ACO2: variants seen among roughly 807,000 people sequenced by gnomAD.
The protein encoded by ACO2 is aconitase 2, also known as aconitate hydratase, mitochondrial.
Under a neutral mutation model 84.5 loss-of-function variants are expected in ACO2, and 31 were observed. The observed-to-expected ratio is 0.37, with a 90% CI of 0.28 to 0.50. The LOEUF (loss-of-function observed/expected upper bound fraction) is 0.50. Among genes scored for constraint, ACO2 ranks in the 20% least tolerant of loss-of-function variants. The pLI, the probability that ACO2 is intolerant of heterozygous loss-of-function variation, is 0.97. For synonymous variants in ACO2, 414 were observed against 412.7 expected (o/e 1.00, Z -0.04); for missense variants, 685 against 1,029.3 (o/e 0.67, Z 4.58).
intron 1 of ACO2, among the ~76,000 whole-genome samples, chr22:41,498,991 G>A (rs1300637104): frequency 6.6e-6 from 1 of 151,966 alleles, no homozygotes; most frequent in East Asian, 1.9e-4. Context: ...CTACTGGGAA[G>A]CTGAGGCAGG....
intron 1 of ACO2, among the ~76,000 whole-genome samples, chr22:41,493,758 A>T (rs937299129): frequency 6.6e-6 from 1 of 152,102 alleles, no homozygotes; most frequent in African/African-American, 2.4e-5. Context: ...CCTGGGCAAC[A>T]TGTTGTAAAA....
At chr22:41,520,866 G>C (rs2066519511) in intron 9 of ACO2, among the ~76,000 whole-genome samples, 1 of 150,494 alleles carries the variant, frequency 6.6e-6, no homozygotes, top group South Asian at 2.1e-4. Flanking sequence ...AAATTGGCCA[G>C]GTGTGGAGGC....
chr22:41,492,390 A>G (rs1284642810), intron 1 of ACO2, among the ~76,000 whole-genome samples: 1 of 152,160 alleles, frequency 6.6e-6, no homozygotes, highest in East Asian at 1.9e-4. Flanking sequence ...TAATCCCTGC[A>G]CTTTGGGAGG....
Position 41,524,927 on chromosome 22 carries a change from T to C in ACO2, c.1564T>C (p.Phe522Leu). ...CCTGACGGGCACGGATGGCAAGAAG[T>C]TCAGGCTGGAGGCTCCGGATGCAGA... ...DYLTGTDGKK[F>L]RLEAPDADEL... The change falls in exon 13 of 18, where the codon TTC (phenylalanine) becomes CTC (leucine). Residue 522 changes from phenylalanine to leucine, a missense_variant. By Grantham distance (22) the Phe-to-Leu change is conservative. This residue lies in a region of ACO2 where 311 missense variants were observed against 441.6 expected (regional missense o/e 0.70). Coordinates refer to ENST00000216254, the MANE Select transcript of ACO2 (RefSeq NM_001098.3). The C allele has an allele frequency of 6.2e-7, 1 of 1,614,052 alleles. No homozygotes were observed. The highest frequency in any genetic ancestry group is 8.5e-7 in the Non-Finnish European group (1 of 1,179,996).
At chr22:41,476,177 G>A (rs1328895688) in intron 1 of ACO2, among the ~76,000 whole-genome samples, 2 of 152,128 alleles carry the variant, frequency 1.3e-5, no homozygotes, top group Non-Finnish European at 2.9e-5. Context: ...GGAGCCCAAG[G>A]CAGGTGGATC....
At position 41,527,909 on chromosome 22, in the gene ACO2, C is replaced by T; in HGVS notation, c.2095C>T (p.Leu699=). The T allele has an allele frequency of 2.5e-6, 4 of 1,614,214 alleles. No individual in the cohort carries two copies. The highest frequency in any genetic ancestry group is 2.7e-5 in the African/African-American group (2 of 75,048). The change falls in exon 17 of 18, where the codon CTG becomes TTG. Residue 699 remains leucine (L), a synonymous_variant. Coordinates refer to ENST00000216254, the MANE Select transcript of ACO2 (RefSeq NM_001098.3). ...KSFARIHETN[L]KKQGLLPLTF... is the part of the protein sequence containing the mutation. ...TGCCGCCTGCTTTCCAGAGACCAAC[C>T]TGAAGAAACAGGGCCTGCTGCCTCT...
At chr22:41,490,045 G>A (rs893076796) in intron 1 of ACO2, among the ~76,000 whole-genome samples, 4 of 152,048 alleles carry the variant, frequency 2.6e-5, no homozygotes, top group East Asian at 1.9e-4. Context: ...GTTACAGGCC[G>A]GGCACGGTGT....
At chr22:41,506,078 T>G (rs552522829) in intron 2 of ACO2, among the ~76,000 whole-genome samples, 15 of 146,136 alleles carry the variant, frequency 1.0e-4, no homozygotes, top group East Asian at 2.0e-4. Context: ...GGCTTTTTTG[T>G]TTTTTTTTTG....
chr22:41,502,427 T>C (rs1039265017), intron 2 of ACO2, among the ~76,000 whole-genome samples: 1 of 152,146 alleles, frequency 6.6e-6, no homozygotes, highest in Non-Finnish European at 1.5e-5. Context: ...GCAGGTCCCA[T>C]AGTGCAGTCA....
intron 14 of ACO2, chr22:41,525,987 C>T (rs999816016): frequency 3.2e-5 from 12 of 379,384 alleles, no homozygotes; most frequent in African/African-American, 1.4e-4. Context: ...GAAGGGTGAG[C>T]GAACATTGAC....
chr22:41,524,797 C>T, intron 12 of ACO2, 49 bp from the exon 13 acceptor site: 1 of 1,613,600 alleles, frequency 6.2e-7, no homozygotes, highest in Non-Finnish European at 8.5e-7. Context: ...GTGCAGGAGA[C>T]AGGAGTGGCA....
chr22:41,516,590 G>A (rs934309371), intron 6 of ACO2, among the ~76,000 whole-genome samples: 5 of 152,238 alleles, frequency 3.3e-5, no homozygotes, highest in East Asian at 1.9e-4. Context: ...CAGTCAGGAC[G>A]TTGGTAACAG....
At chr22:41,525,487 G>C (rs2066575068) in intron 14 of ACO2, 139 bp downstream of exon 14, 1 of 1,101,328 alleles carries the variant, frequency 9.1e-7, no homozygotes, top group South Asian at 1.5e-5. Context: ...TTTGGCTGCA[G>C]AGCAGAGAGG....
Position 41,500,061 on chromosome 22 carries a change from CTG to C in ACO2, c.173+203_173+204del, listed in dbSNP as rs1354156058. Among the ~76,000 whole-genome samples the C allele has an allele frequency of 4.6e-5, 7 of 152,162 alleles. No individual in the cohort carries two copies. In the East Asian group the frequency reaches 1.3e-3, roughly 29 times the overall value. On this transcript the variant is annotated intron_variant, in intron 2 of 17. Coordinates refer to ENST00000216254, the MANE Select transcript of ACO2 (RefSeq NM_001098.3). ...TCTGTCCTCTCTGCCAAGGGAGAAT[CTG>C]TGTTATCAAGAAGCCTCTAGATGTG...
At chr22:41,474,694 G>A (rs1390578945) in intron 1 of ACO2, among the ~76,000 whole-genome samples, 2 of 143,224 alleles carry the variant, frequency 1.4e-5, no homozygotes, top group African/African-American at 5.2e-5. Context: ...CGCCTCCCAG[G>A]TTCACGCCAT....
At chr22:41,507,729 G>C in intron 2 of ACO2, 62 bp from the exon 3 acceptor site, 1 of 1,563,800 alleles carries the variant, frequency 6.4e-7, no homozygotes, top group Admixed American at 1.7e-5. Flanking sequence ...GAGAGGGAGA[G>C]GCAGGGCGGG....
rs1205004571 is a variant in ACO2 at position 41,527,207 on chromosome 22, G to GT, written c.1954-80dup. ...CTCAGGATGCCCAGGCGCCAGGTGG[G>GT]TGAGGCCAGGCAGGTAGGGCCAGAC... is the stretch of plus-strand genomic sequence containing the variant. On this transcript the variant is annotated intron_variant, in intron 15 of 17. Coordinates refer to ENST00000216254, the MANE Select transcript of ACO2 (RefSeq NM_001098.3). 3.1e-6 allele frequency: 5 copies of GT among 1,602,252 alleles called. No homozygotes were observed. In the African/African-American group the frequency reaches 6.7e-5, roughly 21 times the overall value.
chr22:41,492,394 T>C (rs955225651), intron 1 of ACO2, among the ~76,000 whole-genome samples: 2 of 152,270 alleles, frequency 1.3e-5, no homozygotes, highest in Admixed American at 1.3e-4. Flanking sequence ...CCCTGCACTT[T>C]GGGAGGCCGA....
At chr22:41,469,327 C>T (rs1033379810) in intron 1 of ACO2, 145 bp downstream of exon 1, 2 of 986,020 alleles carry the variant, frequency 2.0e-6, no homozygotes, top group East Asian at 5.9e-5. Flanking sequence ...GGCACCCGTG[C>T]CCGCTTCTCT....
Sources: gnomAD v4.1 joint callset for allele counts (sites outside exome capture counted in the v4.1 genomes callset) on GRCh38, gnomAD v4.1.1 for gene constraint, gnomAD v4.1.1 regional missense constraint, MANE v1.5 for transcripts, NCBI Gene and HGNC (gene_info 2026-07-23, HGNC 2026-07-21) for gene names.